The following JAKMIP1 variants were observed in gnomAD, a reference collection of about 807,000 sequenced individuals.
The protein encoded by JAKMIP1 is janus kinase and microtubule interacting protein 1, also known as janus kinase and microtubule-interacting protein 1.
A neutral mutation model predicts 113.0 loss-of-function variants in JAKMIP1; 33 were observed. That is an observed-to-expected ratio of 0.29 (90% CI 0.22 to 0.39). JAKMIP1 has a LOEUF of 0.39. Among genes scored for constraint, JAKMIP1 ranks in the 10% least tolerant of loss-of-function variants. The pLI is 1.00. For missense variants in JAKMIP1, 813 were observed against 1,080.5 expected (o/e 0.75, Z 3.47); for synonymous variants, 480 against 459.9 (o/e 1.04, Z -0.56).
rs1725612697 is a variant in JAKMIP1, at chr4:6,178,285, G to A, written c.-148+21968C>T. Reference sequence around the variant, plus strand: ...TTTTCCTTTGTTACCCTACGATATGGTTTGGCTGTGTCCCCACCCAAATCT... The same window carrying A: ...TTTTCCTTTGTTACCCTACGATATGATTTGGCTGTGTCCCCACCCAAATCT... On this transcript the variant is annotated intron_variant, in intron 1 of 20. Coordinates refer to ENST00000409021, the MANE Select transcript of JAKMIP1 (RefSeq NM_001099433.2). The surrounding 1 kb of genome is among the most constrained non-coding windows in gnomAD (Gnocchi z 5.5). Among the ~76,000 whole-genome samples the A allele has an allele frequency of 6.6e-6, 1 of 152,152 alleles. No homozygotes were observed. Among genetic ancestry groups the A allele is most frequent in the African/African-American group, 2.4e-5 (1 of 41,430 alleles).
intron 7 of JAKMIP1, 59 bp from the exon 8 acceptor site, chr4:6,079,057 C>A (rs1169566500): frequency 1.9e-6 from 3 of 1,591,380 alleles, no homozygotes; most frequent in Non-Finnish European, 2.6e-6. Context: ...CAAACCAAAG[C>A]CACTGGCTCT....
intron 13 of JAKMIP1, among the ~76,000 whole-genome samples, chr4:6,053,109 G>A (rs1487499768): frequency 1.3e-5 from 2 of 152,322 alleles, no homozygotes; most frequent in South Asian, 2.1e-4. Context: ...CAGGTGCTTA[G>A]AGAAACTCAT....
rs1002313547 is a variant in JAKMIP1 at position 6,183,260 on chromosome 4, C to A, written c.-148+16993G>T. On this transcript the variant is annotated intron_variant, in intron 1 of 20. Transcript: ENST00000409021. This position sits in a 1 kb window ranked among gnomAD's most constrained non-coding sequence, Gnocchi z 5.3. The stretch of plus-strand genomic sequence containing the variant: ...TTGGGAGGCTGAGGCAGGCGCATCA[C>A]CTGAGGTCAGGAGTTTGAGACCAGT... 1.3e-5 allele frequency among the ~76,000 whole-genome samples: 2 copies of A among 152,030 alleles called. No individual in the cohort carries two copies. The highest frequency in any genetic ancestry group is 4.8e-5 in the African/African-American group (2 of 41,392).
chr4:6,038,853 G>C (rs1713921112), intron 18 of JAKMIP1, among the ~76,000 whole-genome samples: 1 of 152,194 alleles, frequency 6.6e-6, no homozygotes, highest in Non-Finnish European at 1.5e-5. Flanking sequence ...CCAGTTTCCA[G>C]ATAGAAACGC....
In JAKMIP1 at chr4:6,067,683, C is replaced by T. The variant is rs899505898; in HGVS notation, c.1303-2675G>A. On this transcript the variant is annotated intron_variant, in intron 8 of 20. Coordinates refer to ENST00000409021, the MANE Select transcript of JAKMIP1 (RefSeq NM_001099433.2). This position sits in a 1 kb window ranked among gnomAD's most constrained non-coding sequence, Gnocchi z 4.6. ...GGTCACCCCCTGAGCTCCAGGTTCA[C>T]TCAAGCTCTTCTGCACACACAGGTC... Among the ~76,000 whole-genome samples, 2 of 150,816 alleles carry T rather than the reference C, an allele frequency of 1.3e-5. No individual in the cohort carries two copies. Among genetic ancestry groups the T allele is most frequent in the African/African-American group, 4.9e-5 (2 of 40,956 alleles).
chr4:6,081,018 C>A lies in JAKMIP1; in HGVS notation c.1101+591G>T, dbSNP rs569458132. 1.1e-3 allele frequency among the ~76,000 whole-genome samples: 169 copies of A among 152,240 alleles called. No individual in the cohort carries two copies. Among genetic ancestry groups the A allele is most frequent in the African/African-American group, 4.0e-3 (166 of 41,532 alleles). ...ACACACACACACACACACACACCTG[C>A]ATCTGCTACAGTGCAGACAGCAGAG... On this transcript the variant is annotated intron_variant, in intron 6 of 20. Transcript: ENST00000409021. The surrounding 1 kb of genome is among the most constrained non-coding windows in gnomAD (Gnocchi z 4.6).
rs559040358 is a variant in JAKMIP1 at position 6,154,072 on chromosome 4, T to C, written c.-147-41075A>G. 1.3e-5 allele frequency among the ~76,000 whole-genome samples: 2 copies of C among 152,280 alleles called. No homozygotes were observed. Among genetic ancestry groups the C allele is most frequent in the South Asian group, 2.1e-4 (1 of 4,828 alleles). ...GGCCATCTCTGCAGCCCCCAGACCA[T>C]GCCTGGCTGACTGCATCCTGCTGCC... On this transcript the variant is annotated intron_variant, in intron 1 of 20. Coordinates refer to ENST00000409021, the MANE Select transcript of JAKMIP1 (RefSeq NM_001099433.2). This position sits in a 1 kb window ranked among gnomAD's most constrained non-coding sequence, Gnocchi z 4.2.
In JAKMIP1 at chr4:6,162,542, G is replaced by C. The variant is rs1410697939; in HGVS notation, c.-148+37711C>G. Among the ~76,000 whole-genome samples the C allele has an allele frequency of 6.6e-6, 1 of 152,214 alleles. No homozygotes were observed. Among genetic ancestry groups the C allele is most frequent in the Non-Finnish European group, 1.5e-5 (1 of 68,044 alleles). On this transcript the variant is annotated intron_variant, in intron 1 of 20. Transcript: ENST00000409021. This position sits in a 1 kb window ranked among gnomAD's most constrained non-coding sequence, Gnocchi z 5.6. ...ATTCCAAAAAGAGAATGCAGTATTA[G>C]TGTTCTGATTAGCAGGTTAACTTGC...
intron 11 of JAKMIP1, among the ~76,000 whole-genome samples, chr4:6,058,800 A>C (rs1483290274): frequency 6.6e-6 from 1 of 152,248 alleles, no homozygotes; most frequent in Non-Finnish European, 1.5e-5. Context: ...AGTGCCAAGG[A>C]ATAAGCATTT....
chr4:6,040,067 C>T lies in JAKMIP1; in HGVS notation c.2175+572G>A, dbSNP rs145498451. Among the ~76,000 whole-genome samples the T allele has an allele frequency of 5.6e-4, 86 of 152,328 alleles. 1 individual carries two copies. The East Asian group carries it at 0.014, about 24-fold the overall frequency. The stretch of plus-strand genomic sequence containing the variant: ...GATCTTACTCAACTCCCCTCCACCC[C>T]GAAGGAGAATTTCTCTCGTGCCAGG... On this transcript the variant is annotated intron_variant, in intron 18 of 20. Transcript: ENST00000409021. This position sits in a 1 kb window ranked among gnomAD's most constrained non-coding sequence, Gnocchi z 5.8.
intron 1 of JAKMIP1, among the ~76,000 whole-genome samples, chr4:6,120,989 C>G (rs1716632854): frequency 6.6e-6 from 1 of 152,152 alleles, no homozygotes; most frequent in African/African-American, 2.4e-5. Context: ...CACCTGAGAT[C>G]AGGAGTTCAA....
At chr4:6,134,470 C>G (rs900047305) in intron 1 of JAKMIP1, among the ~76,000 whole-genome samples, 2 of 152,194 alleles carry the variant, frequency 1.3e-5, no homozygotes, top group African/African-American at 4.8e-5. Context: ...TGTTCATCTT[C>G]TTTAAAATTC....
chr4:6,134,123 T>G (rs1264260464), intron 1 of JAKMIP1, among the ~76,000 whole-genome samples: 1 of 152,208 alleles, frequency 6.6e-6, no homozygotes, highest in Non-Finnish European at 1.5e-5. Context: ...GCTGTTCTCA[T>G]GATAGTGAAT....
rs955825588 is a variant in JAKMIP1, at chr4:6,083,218, C to T, written c.955-1463G>A. Among the ~76,000 whole-genome samples, 4 of 152,064 alleles carry T rather than the reference C, an allele frequency of 2.6e-5. No individual in the cohort carries two copies. In the South Asian group the frequency reaches 8.3e-4, roughly 32 times the overall value. On this transcript the variant is annotated intron_variant, in intron 5 of 20. Coordinates refer to ENST00000409021, the MANE Select transcript of JAKMIP1 (RefSeq NM_001099433.2). ...AGGAGTTCAAGACCAGCCTGGCCAA[C>T]ATGGTGAAACCCCATCTCTACTAAA...
chr4:6,100,861 A>G (rs112403810), intron 3 of JAKMIP1, among the ~76,000 whole-genome samples: 173 of 152,226 alleles, frequency 1.1e-3, no homozygotes, highest in African/African-American at 4.0e-3. Context: ...TAGTCATTTA[A>G]TTATCCTGTT....
chr4:6,045,749 A>G (rs1714904277), intron 16 of JAKMIP1, among the ~76,000 whole-genome samples: 1 of 152,152 alleles, frequency 6.6e-6, no homozygotes, highest in African/African-American at 2.4e-5. Flanking sequence ...GCATATGCCT[A>G]TAATCCCAGC....
chr4:6,114,598 A>G (rs956963332), intron 1 of JAKMIP1, among the ~76,000 whole-genome samples: 1 of 152,218 alleles, frequency 6.6e-6, no homozygotes, highest in African/African-American at 2.4e-5. Context: ...GCAGTGATGG[A>G]GGTCAGCTGC....
chr4:6,109,867 C>T (rs1714630589), intron 2 of JAKMIP1, among the ~76,000 whole-genome samples: 1 of 152,140 alleles, frequency 6.6e-6, no homozygotes. Flanking sequence ...TCAATAAGCA[C>T]ATTACTGAAT....
rs193081631 is a variant in JAKMIP1 at position 6,176,294 on chromosome 4, G to A, written c.-148+23959C>T. ...AGGACTGCCTGGCAGCAGGTTCCAC[G>A]GGGCCCCTGAAGGCAGAGACAGTGT... On this transcript the variant is annotated intron_variant, in intron 1 of 20. Transcript: ENST00000409021. This position sits in a 1 kb window ranked among gnomAD's most constrained non-coding sequence, Gnocchi z 5.5. 6.7e-4 allele frequency among the ~76,000 whole-genome samples: 102 copies of A among 152,292 alleles called. No homozygotes were observed. Among genetic ancestry groups the A allele is most frequent in the Admixed American group, 1.4e-3 (21 of 15,304 alleles).
Sources: gnomAD v4.1 joint callset for allele counts (sites outside exome capture counted in the v4.1 genomes callset) on GRCh38, gnomAD v4.1.1 for gene constraint, Gnocchi (gnomAD v3.1) non-coding constraint, MANE v1.5 for transcripts, NCBI Gene and HGNC (gene_info 2026-07-23, HGNC 2026-07-21) for gene names.